The following CFAP54 variants were observed in gnomAD, a reference collection of about 807,000 sequenced individuals.
CFAP54 encodes the protein cilia and flagella associated protein 54, also known as cilia- and flagella-associated protein 54.
CFAP54 carries 290 observed loss-of-function variants against 370.4 expected under a neutral mutation model. The observed-to-expected ratio is 0.78, with a 90% CI of 0.71 to 0.86. CFAP54 has a LOEUF of 0.86. Among genes scored for constraint, CFAP54 ranks in the 40% least tolerant of loss-of-function variants. The probability of loss-of-function intolerance (pLI) is 0.00; values close to 1 mark genes in which losing one functional copy is unlikely to be tolerated. For missense variants in CFAP54, 3,399 were observed against 3,528.7 expected, an observed-to-expected ratio of 0.96 and a Z score of 0.93; for synonymous variants, 1,206 against 1,236.5, an observed-to-expected ratio of 0.98 and a Z score of 0.52.
intron 63 of CFAP54, among the ~76,000 whole-genome samples, chr12:96,803,310 C>T (rs553287791): frequency 6.6e-6 from 1 of 152,198 alleles, no homozygotes; most frequent in South Asian, 2.1e-4. Context: ...AAAAGTGTTT[C>T]TATTTCTCCA....
intron 60 of CFAP54, among the ~76,000 whole-genome samples, chr12:96,780,275 G>C (rs1482170481): frequency 6.6e-6 from 1 of 152,036 alleles, no homozygotes; most frequent in Middle Eastern, 3.2e-3. Context: ...AATCATAAAG[G>C]TACCTTCTAT....
At chr12:96,615,918 C>CTGTA in intron 26 of CFAP54, among the ~76,000 whole-genome samples, 1 of 152,200 alleles carries the variant, frequency 6.6e-6, no homozygotes, top group Non-Finnish European at 1.5e-5. Context: ...GTTGGTGGGA[C>CTGTA]TGTAAACTAG....
intron 48 of CFAP54, among the ~76,000 whole-genome samples, chr12:96,713,920 G>A (rs1330809040): frequency 1.3e-5 from 2 of 152,114 alleles, no homozygotes; most frequent in African/African-American, 4.8e-5. Flanking sequence ...GAGGCTGTCA[G>A]GGAGATAACA....
chr12:96,869,704 G>C (rs1209452876), intron 67 of CFAP54, among the ~76,000 whole-genome samples: 1 of 152,056 alleles, frequency 6.6e-6, no homozygotes, highest in Non-Finnish European at 1.5e-5. Flanking sequence ...GGGAGGCTGA[G>C]GCGGGTGGAT....
chr12:96,610,443 G>T (rs1199298598), intron 26 of CFAP54, among the ~76,000 whole-genome samples: 1 of 152,166 alleles, frequency 6.6e-6, no homozygotes, highest in Non-Finnish European at 1.5e-5. Context: ...GGCTGAATAG[G>T]AACAGCTCCA....
At chr12:96,847,257 C>T (rs1022949739) in intron 66 of CFAP54, among the ~76,000 whole-genome samples, 5 of 152,108 alleles carry the variant, frequency 3.3e-5, no homozygotes, top group East Asian at 1.9e-4. Context: ...TCCCTCCCAG[C>T]ACTCTCCTGG....
chr12:96,826,038 A>C (rs965856692), intron 65 of CFAP54, among the ~76,000 whole-genome samples: 7 of 144,826 alleles, frequency 4.8e-5, no homozygotes, highest in Non-Finnish European at 7.5e-5. Flanking sequence ...ATATTAATAT[A>C]TTATATATAT....
At chr12:96,872,157 A>G (rs969833828) in intron 67 of CFAP54, among the ~76,000 whole-genome samples, 3 of 152,182 alleles carry the variant, frequency 2.0e-5, no homozygotes, top group African/African-American at 7.2e-5. Context: ...AAAATCAAAA[A>G]TAGGAAAAAC....
chr12:96,853,982 G>A (rs1037446659), intron 66 of CFAP54, among the ~76,000 whole-genome samples: 5 of 151,616 alleles, frequency 3.3e-5, no homozygotes, highest in African/African-American at 1.2e-4. Context: ...CTAATGTTAA[G>A]TAAAATTAAC....
chr12:96,525,146 T>C lies in CFAP54; in HGVS notation c.1159-2100T>C, dbSNP rs563039303. ...ATCACAAGCTGTTATTATTTTGATA[T>C]TATTATTTGTTTAAATTTTTTTTTT... On this transcript the variant is annotated intron_variant, in intron 8 of 67. Transcript: ENST00000524981. Among the ~76,000 whole-genome samples the C allele has an allele frequency of 6.3e-5, 9 of 142,376 alleles. No homozygotes were observed. The East Asian group carries it at 1.8e-3, about 28-fold the overall frequency. The allele number at this position is 142,376 out of a possible 152,430, so 93.4% of individuals were successfully genotyped here.
chr12:96,587,260 T>C (rs548080590), intron 22 of CFAP54, among the ~76,000 whole-genome samples: 1 of 151,936 alleles, frequency 6.6e-6, no homozygotes, highest in Non-Finnish European at 1.5e-5. Context: ...GATAAAACTA[T>C]AGGACTAGGT....
At chr12:96,644,522 T>C (rs1956768763) in intron 33 of CFAP54, 114 bp downstream of exon 33, 2 of 733,740 alleles carry the variant, frequency 2.7e-6, no homozygotes, top group East Asian at 5.4e-5. Context: ...AGAGTGCTTC[T>C]ATCTTTATAC....
chr12:96,704,452 GTATATATATATATATATATATATATA>G (rs71068825), intron 46 of CFAP54, among the ~76,000 whole-genome samples: 2,599 of 61,338 alleles, frequency 0.042, 231 homozygotes, highest in African/African-American at 0.12. Context: ...ATGTATGTGT[GTATATATATATATATATATATATATA>G]TATATATATA....
rs78494824 is a variant in CFAP54, at chr12:96,721,705, C to T, written c.6965+1140C>T. Reference sequence around the variant, plus strand: ...GTTTGTGCACTTTCAATATGCTAGGCACTGTTCTAAGCTCCTGGCAAGTAT... The same window carrying T: ...GTTTGTGCACTTTCAATATGCTAGGTACTGTTCTAAGCTCCTGGCAAGTAT... On this transcript the variant is annotated intron_variant, in intron 50 of 67. Coordinates refer to ENST00000524981, the MANE Select transcript of CFAP54 (RefSeq NM_001306084.2). Among the ~76,000 whole-genome samples, 1,300 of 152,240 alleles carry T rather than the reference C, an allele frequency of 8.5e-3. 54 individuals carry two copies. The East Asian group carries it at 0.098, about 12-fold the overall frequency.
At chr12:96,705,674 A>G (rs192540213) in intron 47 of CFAP54, among the ~76,000 whole-genome samples, 1 of 152,338 alleles carries the variant, frequency 6.6e-6, no homozygotes, top group East Asian at 1.9e-4. Context: ...GACTAACAGT[A>G]TAATGGAAAC....
chr12:96,724,377 G>A (rs374366247), intron 50 of CFAP54, among the ~76,000 whole-genome samples: 1 of 152,096 alleles, frequency 6.6e-6, no homozygotes, highest in East Asian at 1.9e-4. Context: ...TCTAACTGGT[G>A]TGAGATGGTA....
chr12:96,723,278 G>T (rs554672864), intron 50 of CFAP54, among the ~76,000 whole-genome samples: 16 of 152,296 alleles, frequency 1.1e-4, no homozygotes, highest in African/African-American at 3.6e-4. Flanking sequence ...CCGTTAGGGG[G>T]TATAAATAGA....
chr12:96,827,892 T>C (rs2216257), intron 65 of CFAP54, among the ~76,000 whole-genome samples: 27,731 of 84,192 alleles, frequency 0.33, 7,665 homozygotes, highest in South Asian at 0.53. Flanking sequence ...ATATATAATA[T>C]ATAATTATAT....
chr12:96,599,560 TCTAGATC>T (rs1232041160), intron 26 of CFAP54, among the ~76,000 whole-genome samples: 1 of 152,176 alleles, frequency 6.6e-6, no homozygotes, highest in Non-Finnish European at 1.5e-5. Context: ...TATTTCTAGT[TCTAGATC>T]CTTGAGGAAT....
Sources: allele counts gnomAD v4.1 joint callset (sites outside exome capture counted in the v4.1 genomes callset), GRCh38; gene constraint gnomAD v4.1.1; transcripts MANE v1.5; gene names NCBI Gene and HGNC (gene_info 2026-07-23, HGNC 2026-07-21).